The following TMEM260 variants were observed in gnomAD, a reference collection of about 807,000 sequenced individuals.
TMEM260 encodes protein O-mannosyl-transferase TMEM260.
A neutral mutation model predicts 88.9 loss-of-function variants in TMEM260; 82 were observed. That is an observed-to-expected ratio of 0.92 (90% confidence interval 0.77 to 1.11). The LOEUF is 1.11. Among genes scored for constraint, TMEM260 ranks in the 50% least tolerant of loss-of-function variants. TMEM260 has a pLI of 0.00. For missense variants in TMEM260, 902 were observed against 853.4 expected, an observed-to-expected ratio of 1.06 and a Z score of -0.71; for synonymous variants, 314 against 309.3, an observed-to-expected ratio of 1.02 and a Z score of -0.16.
Position 56,585,890 on chromosome 14 carries a change from T to C in TMEM260, c.322T>C (p.Leu108=). Residue 108 remains leucine (L), a synonymous_variant, in exon 3 of 16, where the codon TTA becomes CTA. Transcript: ENST00000261556. The part of the protein sequence containing the change: ...CGLFGAVAAS[L]LFFTVFRLSG... ...CTTATTTGGAGCAGTAGCTGCATCA[T>C]TACTTTTTTTCACCGTTTTCAGGTA... is the stretch of plus-strand genomic sequence containing the variant. 4 of 1,612,710 alleles carry C rather than the reference T, an allele frequency of 2.5e-6. No individual in the cohort carries two copies. The highest frequency in any genetic ancestry group is 3.4e-6 in the Non-Finnish European group (4 of 1,179,464).
At position 56,596,569 on chromosome 14, in the gene TMEM260, C is replaced by G. The variant is rs138715134; in HGVS notation, c.345-7246C>G. ...ATCACCTGAGGTCAGGAGTTCAAGA[C>G]TAGCCTCAACATGGAGAAACCCCGT... On this transcript the variant is annotated intron_variant, in intron 3 of 15. Coordinates refer to ENST00000261556, the MANE Select transcript of TMEM260 (RefSeq NM_017799.4). 9.6e-3 allele frequency among the ~76,000 whole-genome samples: 1,447 copies of G among 150,440 alleles called. 48 individuals are homozygous for G. The East Asian group carries it at 0.099, about 10-fold the overall frequency.
At chr14:56,634,001 G>A (rs1386071616) in intron 13 of TMEM260, among the ~76,000 whole-genome samples, 1 of 152,190 alleles carries the variant, frequency 6.6e-6, no homozygotes, top group African/African-American at 2.4e-5. Context: ...AGAGATGGAT[G>A]ATCAAAACAC....
At chr14:56,631,338 G>A (rs1888580646) in intron 12 of TMEM260, among the ~76,000 whole-genome samples, 1 of 152,170 alleles carries the variant, frequency 6.6e-6, no homozygotes, top group Non-Finnish European at 1.5e-5. Context: ...AATGTGCAGT[G>A]TGGGCCAGGT....
At chr14:56,633,208 T>A in intron 13 of TMEM260, 37 bp downstream of exon 13, 1 of 1,527,452 alleles carries the variant, frequency 6.5e-7, no homozygotes, top group Non-Finnish European at 8.8e-7. Flanking sequence ...CATATAAACA[T>A]AGCAGTTTTG....
chr14:56,609,031 T>G (rs887637149), intron 5 of TMEM260, 75 bp from the exon 6 acceptor site: 58 of 1,438,640 alleles, frequency 4.0e-5, no homozygotes, highest in Middle Eastern at 3.6e-4. Flanking sequence ...ATGTTTTCCT[T>G]GATATGTTCT....
At chr14:56,585,138 C>G (rs1341961146) in intron 2 of TMEM260, 106 bp downstream of exon 2, 2 of 1,058,024 alleles carry the variant, frequency 1.9e-6, no homozygotes, top group Non-Finnish European at 2.8e-6. Context: ...TTTTCAAACC[C>G]CCGTTTTTAG....
In TMEM260 at chr14:56,580,061, G is replaced by T; in HGVS notation, c.147G>T (p.Pro49=). The T allele has an allele frequency of 8.0e-7, 1 of 1,251,660 alleles. No homozygotes were observed. The highest frequency in any genetic ancestry group is 1.5e-5 in the African/African-American group (1 of 64,880). The allele number at this position is 1,251,660 out of a possible 1,614,324, so 77.5% of individuals were successfully genotyped here. Residue 49 remains proline (P), a synonymous_variant, in exon 1 of 16, where the codon CCG becomes CCT. Coordinates refer to ENST00000261556, the MANE Select transcript of TMEM260 (RefSeq NM_017799.4). ...VFTFTLPPSV[P]GGDSGELITA... is the part of the protein sequence containing the mutation. ...CCTTCACCCTGCCCCCTTCGGTACC[G>T]GGGGGAGACTCCGGTAAAGTACTCG...
chr14:56,653,738 A>AAAAAAAAAAAAAAC (rs1555343544), downstream of TMEM260, among the ~76,000 whole-genome samples: 15 of 139,146 alleles, frequency 1.1e-4, no homozygotes, highest in Non-Finnish European at 2.3e-4. Context: ...CTTGTCTCCA[A>AAAAAAAAAAAAAAC]AACAAAAAAA....
chr14:56,581,114 C>T (rs1375382829), intron 1 of TMEM260, among the ~76,000 whole-genome samples: 1 of 152,182 alleles, frequency 6.6e-6, no homozygotes, highest in Non-Finnish European at 1.5e-5. Context: ...CATAAGTTAA[C>T]TGACTTCTGT....
At chr14:56,653,736 C>CAAAAAAAACAAAAA (rs10522889), downstream of TMEM260, among the ~76,000 whole-genome samples, 7 of 66,606 alleles carry the variant, frequency 1.1e-4, no homozygotes, top group African/African-American at 4.2e-4. Context: ...CTCTTGTCTC[C>CAAAAAAAACAAAAA]AAAACAAAAA....
At chr14:56,631,264 C>T (rs1019027747) in intron 12 of TMEM260, among the ~76,000 whole-genome samples, 8 of 152,200 alleles carry the variant, frequency 5.3e-5, no homozygotes, top group African/African-American at 1.9e-4. Flanking sequence ...CCCTTCTCCC[C>T]TGATTCTTCC....
chr14:56,584,782 C>T (rs1885380159), intron 1 of TMEM260, among the ~76,000 whole-genome samples: 1 of 152,120 alleles, frequency 6.6e-6, no homozygotes, highest in Non-Finnish European at 1.5e-5. Context: ...CCTATATTTC[C>T]ACTGACCACT....
chr14:56,586,028 A>G lies in TMEM260; in HGVS notation c.344+116A>G. On this transcript the variant is annotated intron_variant, in intron 3 of 15. Transcript: ENST00000261556. ...TTGCTTGGTTTCCCTAACACATGTG[A>G]TTTCACTTTCTTAATTTATAATACT... The G allele has an allele frequency of 3.8e-6, 4 of 1,063,648 alleles. 1 individual carries two copies. In the South Asian group the frequency reaches 4.9e-5, roughly 13 times the overall value. The allele number at this position is 1,063,648 out of a possible 1,614,324, so 65.9% of individuals were successfully genotyped here.
intron 11 of TMEM260, among the ~76,000 whole-genome samples, chr14:56,622,561 C>T (rs1039501795): frequency 7.9e-5 from 12 of 151,792 alleles, no homozygotes; most frequent in African/African-American, 2.9e-4. Flanking sequence ...GACAAAAATA[C>T]ATTAAGAGAG....
chr14:56,611,264 C>G (rs1004566651), intron 6 of TMEM260, among the ~76,000 whole-genome samples: 1 of 152,160 alleles, frequency 6.6e-6, no homozygotes, highest in Non-Finnish European at 1.5e-5. Flanking sequence ...CCGCACCCAG[C>G]CTGCCAATTA....
downstream of TMEM260, among the ~76,000 whole-genome samples, chr14:56,653,751 A>C (rs572978005): frequency 2.0e-5 from 3 of 149,710 alleles, no homozygotes; most frequent in South Asian, 2.1e-4. Context: ...CAAAAAAAAA[A>C]AAAACAGGAC....
intron 3 of TMEM260, among the ~76,000 whole-genome samples, chr14:56,599,075 T>C (rs1308915775): frequency 6.6e-6 from 1 of 152,144 alleles, no homozygotes; most frequent in Non-Finnish European, 1.5e-5. Context: ...ATTTCATTCA[T>C]TTCATTAATG....
chr14:56,648,184 A>G lies in TMEM260; in HGVS notation c.*687A>G, dbSNP rs1383507966. 1 of 151,860 alleles carries G rather than the reference A, an allele frequency of 6.6e-6. No homozygotes were observed. Among genetic ancestry groups the G allele is most frequent in the Non-Finnish European group, 1.5e-5 (1 of 67,982 alleles). 9.4% of individuals were successfully genotyped at this position (151,860 alleles called of 1,614,324 possible). A position where few individuals can be genotyped will look rare whatever the true frequency, so the allele number is the denominator to read the frequency against. On this transcript the variant is annotated 3_prime_UTR_variant, in exon 16 of 16. Coordinates refer to ENST00000261556, the MANE Select transcript of TMEM260 (RefSeq NM_017799.4). Reference sequence around the variant, plus strand: ...TTAATTAATTTTATATTTATGTTTTATTTCTATTTGGACTCAGAGATCTAG... The same window carrying G: ...TTAATTAATTTTATATTTATGTTTTGTTTCTATTTGGACTCAGAGATCTAG...
At chr14:56,646,393 C>A (rs940677204) in intron 15 of TMEM260, among the ~76,000 whole-genome samples, 2 of 152,192 alleles carry the variant, frequency 1.3e-5, no homozygotes, top group African/African-American at 4.8e-5. Flanking sequence ...ACAGGTAACT[C>A]CTGTGAATAC....
Sources: gnomAD v4.1 joint callset for allele counts (sites outside exome capture counted in the v4.1 genomes callset) on GRCh38, gnomAD v4.1.1 for gene constraint, MANE v1.5 for transcripts, NCBI Gene and HGNC (gene_info 2026-07-23, HGNC 2026-07-21) for gene names.